ZNF665: variants seen among roughly 807,000 people sequenced by gnomAD.
ZNF665 encodes zinc finger protein 665.
ZNF665 carries 6 observed loss-of-function variants against 7.9 expected under a neutral mutation model. The ratio of observed to expected loss-of-function variants is 0.76; its 90% CI spans 0.42 to 1.50. The LOEUF (loss-of-function observed/expected upper bound fraction) is 1.50. ZNF665 is among the 40% of genes most tolerant of loss of function. The pLI, the probability that ZNF665 is intolerant of heterozygous loss-of-function variation, is 0.01. For missense variants in ZNF665, 819 were observed against 806.7 expected (o/e 1.02, Z -0.18); for synonymous variants, 242 against 274.5 (o/e 0.88, Z 1.17).
At position 53,165,638 on chromosome 19, in the gene ZNF665, A is replaced by T. The variant is rs1172066005; in HGVS notation, c.852T>A (p.His284Gln). The change falls in exon 4 of 4, where the codon CAT becomes CAA. Residue 284 changes from histidine (H) to glutamine (Q), a missense_variant. Coordinates refer to ENST00000396424, the MANE Select transcript of ZNF665 (RefSeq NM_024733.5). ...HSKLTTHQVI[H>Q]TGEKPYKCKE... ...TACATTTGTAAGGTTTTTCTCCAGTATGGATGACCTGATGTGTAGTTAGTT... is the reference window on the plus strand; with the variant it reads ...TACATTTGTAAGGTTTTTCTCCAGTTTGGATGACCTGATGTGTAGTTAGTT... 13 of 1,613,718 alleles carry T rather than the reference A, an allele frequency of 8.1e-6. No individual in the cohort carries two copies. In the East Asian group the frequency reaches 2.9e-4, roughly 36 times the overall value.
intron 3 of ZNF665, among the ~76,000 whole-genome samples, chr19:53,168,004 C>A (rs201176155): frequency 7.4e-6 from 1 of 134,688 alleles, no homozygotes; most frequent in Non-Finnish European, 1.5e-5. Flanking sequence ...TGCAGTGAGC[C>A]GAGATTGTGC....
At chr19:53,168,055 C>CAAAAAA (rs57521729) in intron 3 of ZNF665, among the ~76,000 whole-genome samples, 41 of 66,384 alleles carry the variant, frequency 6.2e-4, no homozygotes, top group African/African-American at 2.2e-3. Flanking sequence ...GACTCCCTCT[C>CAAAAAA]AAAAAAAAAA....
chr19:53,179,358 A>G (rs1161712636), intron 2 of ZNF665, among the ~76,000 whole-genome samples: 3 of 134,472 alleles, frequency 2.2e-5, no homozygotes, highest in African/African-American at 8.2e-5. Context: ...CCTGGGTGAC[A>G]CAGAGCGAGA....
At chr19:53,171,508 A>G (rs11667600) in intron 3 of ZNF665, among the ~76,000 whole-genome samples, 638 of 36,344 alleles carry the variant, frequency 0.018, 14 homozygotes, top group Admixed American at 0.11. Context: ...GTGTGTGTAT[A>G]TATATATATA....
chr19:53,187,225 G>A (rs1330142016), intron 1 of ZNF665, among the ~76,000 whole-genome samples: 2 of 2,004 alleles, frequency 1.0e-3, no homozygotes, highest in Non-Finnish European at 2.3e-3. Flanking sequence ...TCCCTCCCGG[G>A]CGGGGCGGCT....
chr19:53,176,490 T>C (rs1180495526), intron 2 of ZNF665, among the ~76,000 whole-genome samples: 1 of 152,074 alleles, frequency 6.6e-6, no homozygotes. Context: ...AATAAATGAA[T>C]CAATATGAAT....
intron 2 of ZNF665, 111 bp downstream of exon 2, chr19:53,182,773 G>A (rs905452045): frequency 2.1e-5 from 33 of 1,551,132 alleles, no homozygotes; most frequent in South Asian, 1.3e-4. Context: ...GAGTGAGTGC[G>A]AGCAAACCTG....
At chr19:53,170,794 C>A (rs1290262325) in intron 3 of ZNF665, among the ~76,000 whole-genome samples, 1 of 152,144 alleles carries the variant, frequency 6.6e-6, no homozygotes, top group Non-Finnish European at 1.5e-5. Context: ...GACCCTTGGA[C>A]AATGTAGGGG....
intron 3 of ZNF665, among the ~76,000 whole-genome samples, chr19:53,171,939 G>A (rs1183274766): frequency 6.6e-6 from 1 of 152,002 alleles, no homozygotes; most frequent in African/African-American, 2.4e-5. Flanking sequence ...ATGTTTAGTA[G>A]AAACAGGGTT....
At chr19:53,175,335 C>CAG (rs1035399963) in intron 3 of ZNF665, 110 bp downstream of exon 3, 21 of 1,352,526 alleles carry the variant, frequency 1.6e-5, no homozygotes, top group South Asian at 3.9e-5. Context: ...TATGAGTCAA[C>CAG]AGGACATCAA....
intron 3 of ZNF665, among the ~76,000 whole-genome samples, chr19:53,171,637 C>T (rs1568658468): frequency 6.7e-6 from 1 of 149,346 alleles, no homozygotes; most frequent in Admixed American, 6.7e-5. Context: ...TCAAACAATT[C>T]TCTGCCTCAG....
intron 3 of ZNF665, among the ~76,000 whole-genome samples, chr19:53,174,623 A>C (rs1388550878): frequency 6.6e-6 from 1 of 152,076 alleles, no homozygotes; most frequent in African/African-American, 2.4e-5. Flanking sequence ...TACTCAGATC[A>C]AAAGGAGAGA....
intron 3 of ZNF665, among the ~76,000 whole-genome samples, chr19:53,172,224 C>T (rs541137036): frequency 5.9e-5 from 9 of 152,204 alleles, no homozygotes; most frequent in Admixed American, 1.3e-4. Flanking sequence ...TGGAATAAAA[C>T]CCATATATAA....
At chr19:53,180,172 C>T (rs1364604062) in intron 2 of ZNF665, among the ~76,000 whole-genome samples, 3 of 152,110 alleles carry the variant, frequency 2.0e-5, no homozygotes, top group Admixed American at 6.6e-5. Context: ...GTGGCTCACA[C>T]CTGTAATCTC....
chr19:53,183,886 G>A (rs1264223914), intron 1 of ZNF665, among the ~76,000 whole-genome samples: 3 of 152,130 alleles, frequency 2.0e-5, no homozygotes, highest in Admixed American at 6.6e-5. Flanking sequence ...AGGAGACGAG[G>A]TCAGAGAGGT....
In ZNF665 at chr19:53,162,916, G is replaced by C. The variant is rs1384657831; in HGVS notation, c.*1537C>G. ...CTATTGGCATTTGATGGAGAAGGTA[G>C]CCTCCACTTTTCTGCATTATTTGTA... On this transcript the variant is annotated 3_prime_UTR_variant, in exon 4 of 4. Coordinates refer to ENST00000396424, the MANE Select transcript of ZNF665 (RefSeq NM_024733.5). The C allele has an allele frequency of 6.6e-6, 1 of 151,784 alleles. No individual in the cohort carries two copies. Among genetic ancestry groups the C allele is most frequent in the Non-Finnish European group, 1.5e-5 (1 of 68,014 alleles). The allele number at this position is 151,784 out of a possible 1,614,324, so 9.4% of individuals were successfully genotyped here. A position where few individuals can be genotyped will look rare whatever the true frequency, so the allele number is the denominator to read the frequency against.
rs12985467 is a variant in ZNF665, at chr19:53,164,104, A to G, written c.*349T>C. 79,638 of 156,586 alleles carry G rather than the reference A, an allele frequency of 0.51. 23,314 individuals carry two copies. The highest frequency in any genetic ancestry group is 0.7 in the South Asian group (3,641 of 5,174). 9.7% of individuals were successfully genotyped at this position (156,586 alleles called of 1,614,324 possible). A position where few individuals can be genotyped will look rare whatever the true frequency, so the allele number is the denominator to read the frequency against. ...ATGTTGTGAAAGAATTTGTGGCTGAAAAACTGGCCGCACTCCTTTGTAAGG... is the reference window on the plus strand; with the variant it reads ...ATGTTGTGAAAGAATTTGTGGCTGAGAAACTGGCCGCACTCCTTTGTAAGG... On this transcript the variant is annotated 3_prime_UTR_variant, in exon 4 of 4. Transcript: ENST00000396424.
At chr19:53,174,979 GA>G (rs61156701) in intron 3 of ZNF665, among the ~76,000 whole-genome samples, 2,025 of 138,474 alleles carry the variant, frequency 0.015, 48 homozygotes, top group African/African-American at 0.051. Flanking sequence ...AAGAAAGAAA[GA>G]AAAAAAAAAA....
chr19:53,165,784 AT>A lies in ZNF665; in HGVS notation c.705del (p.Lys235AsnfsTer43), dbSNP rs2090608161. 1 of 1,614,114 alleles carries A rather than the reference AT, an allele frequency of 6.2e-7. No individual in the cohort carries two copies. Among genetic ancestry groups the A allele is most frequent in the Middle Eastern group, 1.6e-4 (1 of 6,062 alleles). On this transcript the variant is annotated frameshift_variant, in exon 4 of 4. Coordinates refer to ENST00000396424, the MANE Select transcript of ZNF665 (RefSeq NM_024733.5). LOFTEE classifies it low-confidence loss of function (END_TRUNC). ...CTGAAGACCTTTCCACATTCATTACATTTGTAAGGTTTTTCTCCAGTATGGA... is the reference window on the plus strand; with the variant it reads ...CTGAAGACCTTTCCACATTCATTACATTGTAAGGTTTTTCTCCAGTATGGA... ...QVIHTGEKPY[K>X]CNECGKVFSQ...
Sources: gnomAD v4.1 joint callset for allele counts (sites outside exome capture counted in the v4.1 genomes callset) on GRCh38, gnomAD v4.1.1 for gene constraint, MANE v1.5 for transcripts, NCBI Gene and HGNC (gene_info 2026-07-23, HGNC 2026-07-21) for gene names.